The following POC1A variants were observed in gnomAD, a reference collection of about 807,000 sequenced individuals.
The protein encoded by POC1A is POC1 centriolar protein A, also known as POC1 centriolar protein homolog A.
In POC1A, 34 loss-of-function variants were observed where a neutral mutation model predicts 47.8. That is an observed-to-expected ratio of 0.71 (90% CI 0.54 to 0.95). The LOEUF is 0.95. Among genes scored for constraint, POC1A ranks in the 40% least tolerant of loss-of-function variants. The pLI, the probability that POC1A is intolerant of heterozygous loss-of-function variation, is 0.00. For missense variants in POC1A, 466 were observed against 528.3 expected, an observed-to-expected ratio of 0.88 and a Z score of 1.16; for synonymous variants, 177 against 207.6, an observed-to-expected ratio of 0.85 and a Z score of 1.27.
intron 9 of POC1A, among the ~76,000 whole-genome samples, chr3:52,109,507 A>C (rs1458887091): frequency 1.3e-5 from 2 of 152,078 alleles, no homozygotes; most frequent in East Asian, 1.9e-4. Context: ...AAAAAAAAAA[A>C]CCTTCCTGGT....
At chr3:52,145,384 A>G (rs1698329805) in intron 6 of POC1A, among the ~76,000 whole-genome samples, 1 of 152,182 alleles carries the variant, frequency 6.6e-6, no homozygotes, top group Admixed American at 6.5e-5. Flanking sequence ...GTAAGACCAG[A>G]GGTGGCCACG....
rs1702593037 is a variant in POC1A at position 52,090,002 on chromosome 3, A to C, written c.1125+6567T>G. Reference sequence around the variant, plus strand: ...GAGCAGGTTTAAGGTATCTCAAAGCAAATAGGCCATTCTCTATCCCCAAAG... The same window carrying C: ...GAGCAGGTTTAAGGTATCTCAAAGCCAATAGGCCATTCTCTATCCCCAAAG... On this transcript the variant is annotated intron_variant, in intron 10 of 10. Transcript: ENST00000296484. The surrounding 1 kb of genome is among the most constrained non-coding windows in gnomAD (Gnocchi z 4.2). Among the ~76,000 whole-genome samples, 1 of 152,150 alleles carries C rather than the reference A, an allele frequency of 6.6e-6. No homozygotes were observed. The highest frequency in any genetic ancestry group is 6.5e-5 in the Admixed American group (1 of 15,282).
At chr3:52,148,642 C>A (rs1698448741) in intron 4 of POC1A, among the ~76,000 whole-genome samples, 1 of 152,222 alleles carries the variant, frequency 6.6e-6, no homozygotes, top group Non-Finnish European at 1.5e-5. Flanking sequence ...CCCCCCATCT[C>A]CGAAGCCTGC....
At chr3:52,129,554 C>T (rs888259497) in intron 7 of POC1A, among the ~76,000 whole-genome samples, 1 of 152,220 alleles carries the variant, frequency 6.6e-6, no homozygotes, top group Non-Finnish European at 1.5e-5. Flanking sequence ...CTGGCTGGGC[C>T]TTCAGCAGTG....
chr3:52,140,360 A>ACC (rs549977542), intron 6 of POC1A, among the ~76,000 whole-genome samples: 1 of 150,768 alleles, frequency 6.6e-6, no homozygotes, highest in African/African-American at 2.4e-5. Context: ...GAATTCAGAG[A>ACC]CCCCCCCACC....
At position 52,138,214 on chromosome 3, in the gene POC1A, C is replaced by T; in HGVS notation, c.768G>A (p.Leu256=). 1.2e-6 allele frequency: 2 copies of T among 1,614,060 alleles called. No homozygotes were observed. Residue 256 remains leucine, a synonymous_variant, in exon 7 of 11, where the codon CTG becomes CTA. Coordinates refer to ENST00000296484, the MANE Select transcript of POC1A (RefSeq NM_015426.5). ...AGAGCAGCCGGCCCTCCATCAGGTC[C>T]AGGATCTTCAGGGTTGAGTCACTGG... The part of the protein sequence containing the change: ...TASSDSTLKI[L]DLMEGRLLYT...
Position 52,075,548 on chromosome 3 carries a change from G to A in POC1A, c.*339C>T, listed in dbSNP as rs893056. ...AATGATGAGTGAAAATCAAGGCATCGTGGAGCCACCTCCTCCAGAGGGGGA... is the reference window on the plus strand; with the variant it reads ...AATGATGAGTGAAAATCAAGGCATCATGGAGCCACCTCCTCCAGAGGGGGA... On this transcript the variant is annotated 3_prime_UTR_variant, in exon 11 of 11. Coordinates refer to ENST00000296484, the MANE Select transcript of POC1A (RefSeq NM_015426.5). The A allele has an allele frequency of 0.11, 23,270 of 202,994 alleles. 2,038 individuals are homozygous for A. The highest frequency in any genetic ancestry group is 0.26 in the African/African-American group (11,321 of 44,300). The allele number at this position is 202,994 out of a possible 1,614,324, so 12.6% of individuals were successfully genotyped here. A position where few individuals can be genotyped will look rare whatever the true frequency, so the allele number is the denominator to read the frequency against.
At chr3:52,128,394 A>T (rs1704089426) in intron 7 of POC1A, among the ~76,000 whole-genome samples, 1 of 152,180 alleles carries the variant, frequency 6.6e-6, no homozygotes, top group African/African-American at 2.4e-5. Flanking sequence ...GCGCTCCTTT[A>T]CGAGACCAAA....
At chr3:52,137,932 G>A (rs1016878406) in intron 7 of POC1A, among the ~76,000 whole-genome samples, 4 of 152,192 alleles carry the variant, frequency 2.6e-5, no homozygotes, top group South Asian at 2.1e-4. Flanking sequence ...CCTAAGGGGC[G>A]GCTTGCTAAC....
chr3:52,125,191 C>T lies in POC1A; in HGVS notation c.814-10G>A. 1 of 1,609,542 alleles carries T rather than the reference C, an allele frequency of 6.2e-7. No homozygotes were observed. The highest frequency in any genetic ancestry group is 8.5e-7 in the Non-Finnish European group (1 of 1,177,492). ...CAGTGGTGGCTGGTCCCTGGCAGAACAAACAAAAAATAACACACATCAAAG... is the reference window on the plus strand; with the variant it reads ...CAGTGGTGGCTGGTCCCTGGCAGAATAAACAAAAAATAACACACATCAAAG... On this transcript the variant is annotated splice_polypyrimidine_tract_variant and intron_variant, in intron 7 of 10. Transcript: ENST00000296484.
rs772363825 is a variant in POC1A, at chr3:52,138,156, C to G, written c.813+13G>C. 1.2e-6 allele frequency: 2 copies of G among 1,614,004 alleles called. No individual in the cohort carries two copies. The highest frequency in any genetic ancestry group is 8.5e-7 in the Non-Finnish European group (1 of 1,179,906). Reference sequence around the variant, plus strand: ...CACTCCACACCACTCAGCACCTGGCCGACACCTCTCACCTGATGCCCGTGG... The same window carrying G: ...CACTCCACACCACTCAGCACCTGGCGGACACCTCTCACCTGATGCCCGTGG... On this transcript the variant is annotated intron_variant, in intron 7 of 10. Coordinates refer to ENST00000296484, the MANE Select transcript of POC1A (RefSeq NM_015426.5).
intron 10 of POC1A, among the ~76,000 whole-genome samples, chr3:52,077,627 G>A (rs1046700270): frequency 3.9e-5 from 6 of 152,254 alleles, no homozygotes; most frequent in Admixed American, 2.6e-4. Context: ...TCTGCAGCTC[G>A]TAAAAGTGGC....
At chr3:52,108,944 G>A (rs1332813513) in intron 9 of POC1A, among the ~76,000 whole-genome samples, 1 of 152,172 alleles carries the variant, frequency 6.6e-6, no homozygotes, top group Admixed American at 6.5e-5. Context: ...TAGCCCACCT[G>A]TGCCTGACCC....
chr3:52,130,158 G>T (rs948136187), intron 7 of POC1A, among the ~76,000 whole-genome samples: 2 of 152,220 alleles, frequency 1.3e-5, no homozygotes, highest in African/African-American at 4.8e-5. Context: ...AAAATATTTT[G>T]TGTTGACTCT....
rs553364363 is a variant in POC1A, at chr3:52,107,411, A to C, written c.982-10699T>G. Among the ~76,000 whole-genome samples, 7 of 152,288 alleles carry C rather than the reference A, an allele frequency of 4.6e-5. No homozygotes were observed. In the South Asian group the frequency reaches 1.4e-3, roughly 32 times the overall value. On this transcript the variant is annotated intron_variant, in intron 9 of 10. Transcript: ENST00000296484. ...GTTCTGGAGTTCCTGGAGCAGATGC[A>C]CCTCTGGAGCATCCTCAGAAACCAC... is the stretch of plus-strand genomic sequence containing the variant.
chr3:52,100,292 C>T (rs1249172970), intron 9 of POC1A, among the ~76,000 whole-genome samples: 5 of 151,964 alleles, frequency 3.3e-5, no homozygotes, highest in African/African-American at 1.2e-4. Context: ...AAGAAATCAA[C>T]CCATCTGGAG....
intron 5 of POC1A, among the ~76,000 whole-genome samples, chr3:52,146,638 T>C (rs890313053): frequency 6.6e-6 from 1 of 152,234 alleles, no homozygotes; most frequent in East Asian, 1.9e-4. Flanking sequence ...TAAAATGTAG[T>C]TTGGGCGACT....
chr3:52,112,664 A>G (rs964210888), intron 9 of POC1A, among the ~76,000 whole-genome samples: 7 of 152,100 alleles, frequency 4.6e-5, no homozygotes, highest in Admixed American at 2.0e-4. Flanking sequence ...AAACAAGCAA[A>G]CAAACAAACA....
At position 52,154,334 on chromosome 3, in the gene POC1A, G is replaced by A. The variant is rs765652657; in HGVS notation, c.18+21C>T. ...CAGCGGGGAGACTGAGGCCTGGGGA[G>A]TTGCTCTCGGCTGGGCTTACCGCGC... On this transcript the variant is annotated intron_variant, in intron 1 of 10. Transcript: ENST00000296484. 26 of 1,561,324 alleles carry A rather than the reference G, an allele frequency of 1.7e-5. No individual in the cohort carries two copies. In the Middle Eastern group the frequency reaches 3.1e-3, roughly 184 times the overall value.
Sources: allele counts gnomAD v4.1 joint callset (sites outside exome capture counted in the v4.1 genomes callset), GRCh38; gene constraint gnomAD v4.1.1; non-coding constraint Gnocchi (gnomAD v3.1); transcripts MANE v1.5; gene names NCBI Gene and HGNC (gene_info 2026-07-23, HGNC 2026-07-21).